Variants in NAV2 observed in about 807,000 individuals in gnomAD.
The protein encoded by NAV2 is helicase, APC down-regulated 1.
Under a neutral mutation model 223.2 loss-of-function variants are expected in NAV2, and 54 were observed. The ratio of observed to expected loss-of-function variants is 0.24; its 90% CI spans 0.19 to 0.30. NAV2 has a LOEUF of 0.30. NAV2 is among the 10% of genes least tolerant of loss of function. NAV2 has a pLI of 1.00. For synonymous variants in NAV2, 1,279 were observed against 1,239.3 expected, an observed-to-expected ratio of 1.03 and a Z score of -0.67; for missense variants, 2,806 against 3,147.5, an observed-to-expected ratio of 0.89 and a Z score of 2.60.
chr11:19,622,801 G>A (rs569733511), intron 1 of NAV2, among the ~76,000 whole-genome samples: 1 of 152,284 alleles, frequency 6.6e-6, no homozygotes, highest in East Asian at 1.9e-4. Context: ...ATTTGATCCT[G>A]TCATTATGAT....
intron 1 of NAV2, among the ~76,000 whole-genome samples, chr11:19,449,944 C>A (rs1413787561): frequency 6.6e-6 from 1 of 151,462 alleles, no homozygotes; most frequent in Non-Finnish European, 1.5e-5. Flanking sequence ...TAGCAAAGGG[C>A]AGCAAAGAGC....
chr11:19,886,301 T>A (rs1356072523), intron 5 of NAV2, among the ~76,000 whole-genome samples: 2 of 152,186 alleles, frequency 1.3e-5, no homozygotes, highest in African/African-American at 4.8e-5. Flanking sequence ...TTTTCTGAAG[T>A]GCTTACACTT....
intron 20 of NAV2, 136 bp downstream of exon 20, chr11:20,062,495 A>G (rs1376565142): frequency 1.5e-6 from 1 of 666,026 alleles, no homozygotes; most frequent in Non-Finnish European, 2.5e-6. Flanking sequence ...ATTAGGGAAC[A>G]AGATTTAAAA....
intron 11 of NAV2, chr11:20,022,541 TTC>T: frequency 1.0e-6 from 1 of 985,428 alleles, no homozygotes; most frequent in South Asian, 4.7e-5. Flanking sequence ...GGTTCAGAAA[TTC>T]TCTCTGTAGG....
At chr11:20,097,549 T>TG (rs2153693884) in intron 30 of NAV2, 28 bp from the exon 31 acceptor site, 1 of 1,540,852 alleles carries the variant, frequency 6.5e-7, no homozygotes, top group Non-Finnish European at 8.7e-7. Context: ...ACATCTTTGA[T>TG]GGGGTCTTTA....
chr11:19,352,178 G>C (rs1165964779), intron 1 of NAV2, among the ~76,000 whole-genome samples: 55 of 152,152 alleles, frequency 3.6e-4, no homozygotes, highest in Admixed American at 3.3e-3. Flanking sequence ...AGATAAGTGG[G>C]ATTTGTTTTG....
In NAV2 at chr11:19,948,786, G is replaced by A; in HGVS notation, c.2351G>A (p.Arg784Lys). 1 of 1,614,040 alleles carries A rather than the reference G, an allele frequency of 6.2e-7. No homozygotes were observed. The highest frequency in any genetic ancestry group is 1.1e-5 in the South Asian group (1 of 91,062). Reference protein sequence around the residue: ...LTGRPTPLSWRLGQSSPRLQA... With the variant: ...LTGRPTPLSWKLGQSSPRLQA... ...GGGAGGCCCACACCTCTGTCCTGGA[G>A]ACTGGGCCAGTCCAGCCCTCGGCTC... The change falls in exon 10 of 38, where the codon AGA becomes AAA. Residue 784 changes from arginine to lysine, a missense_variant. This residue lies in a region of NAV2 where 1,167 missense variants were observed against 1,180.5 expected (regional missense o/e 0.99). Transcript: ENST00000349880.
At chr11:19,893,987 A>G (rs910698327) in intron 6 of NAV2, among the ~76,000 whole-genome samples, 22 of 152,210 alleles carry the variant, frequency 1.4e-4, no homozygotes, top group Non-Finnish European at 2.9e-4. Context: ...ACCATTCTAT[A>G]TATATCCATC....
At chr11:19,718,467 T>C (rs2050486579) in intron 1 of NAV2, among the ~76,000 whole-genome samples, 1 of 152,016 alleles carries the variant, frequency 6.6e-6, no homozygotes, top group Non-Finnish European at 1.5e-5. Flanking sequence ...GTGTTTTAGA[T>C]GTTGAAAAAG....
intron 1 of NAV2, among the ~76,000 whole-genome samples, chr11:19,413,158 G>T (rs1474628930): frequency 6.6e-6 from 1 of 152,152 alleles, no homozygotes; most frequent in Non-Finnish European, 1.5e-5. Flanking sequence ...CTAACCCAAT[G>T]CAAGGAAGCT....
At chr11:19,836,372 A>G (rs908802995) in intron 2 of NAV2, among the ~76,000 whole-genome samples, 1 of 151,684 alleles carries the variant, frequency 6.6e-6, no homozygotes, top group African/African-American at 2.4e-5. Flanking sequence ...CCTGGCTAAC[A>G]AGGTGAAACC....
rs762941528 is a variant in NAV2, at chr11:20,049,910, A to G, written c.4436+9A>G. 4 of 1,613,932 alleles carry G rather than the reference A, an allele frequency of 2.5e-6. No individual in the cohort carries two copies. The highest frequency in any genetic ancestry group is 3.4e-6 in the Non-Finnish European group (4 of 1,179,868). ...CCCAGGAAACAGGACAGGTAATGAC[A>G]TTGCAGGCCGGGGACCAACCGAGCC... On this transcript the variant is annotated intron_variant, in intron 16 of 37. Transcript: ENST00000349880.
At chr11:19,354,218 CT>C (rs1853485654) in intron 1 of NAV2, among the ~76,000 whole-genome samples, 1 of 152,178 alleles carries the variant, frequency 6.6e-6, no homozygotes, top group Non-Finnish European at 1.5e-5. Context: ...TACAAAGCCA[CT>C]TTTTTCTTGA....
chr11:20,023,571 G>T lies in NAV2; in HGVS notation c.2769-12388G>T, dbSNP rs558530944. 2.0e-5 allele frequency among the ~76,000 whole-genome samples: 3 copies of T among 152,316 alleles called. No homozygotes were observed. In the East Asian group the frequency reaches 5.8e-4, roughly 29 times the overall value. ...CAGAGGGGTGAGCCGGAAAAAGGCAGTGTGGCCCCAGGCAAGGGCTGCTTG... is the reference window on the plus strand; with the variant it reads ...CAGAGGGGTGAGCCGGAAAAAGGCATTGTGGCCCCAGGCAAGGGCTGCTTG... On this transcript the variant is annotated intron_variant, in intron 11 of 37. Coordinates refer to ENST00000349880, the MANE Select transcript of NAV2 (RefSeq NM_145117.5).
At chr11:19,544,556 A>T (rs1237706703) in intron 1 of NAV2, among the ~76,000 whole-genome samples, 1 of 152,182 alleles carries the variant, frequency 6.6e-6, no homozygotes, top group Non-Finnish European at 1.5e-5. Flanking sequence ...GCTGGGCCAC[A>T]TTCCACCCTT....
chr11:19,805,744 G>A (rs935287466), intron 1 of NAV2, among the ~76,000 whole-genome samples: 1 of 152,172 alleles, frequency 6.6e-6, no homozygotes, highest in Non-Finnish European at 1.5e-5. Flanking sequence ...AGGAACGCTT[G>A]TGTTGTGGCT....
intron 1 of NAV2, among the ~76,000 whole-genome samples, chr11:19,817,354 G>A (rs1390339433): frequency 1.3e-5 from 2 of 152,094 alleles, no homozygotes; most frequent in Non-Finnish European, 2.9e-5. Context: ...ATGTTTTTTG[G>A]GAACTGTGAC....
At chr11:19,625,882 A>AT (rs955400958) in intron 1 of NAV2, among the ~76,000 whole-genome samples, 5 of 150,864 alleles carry the variant, frequency 3.3e-5, no homozygotes, top group East Asian at 1.9e-4. Flanking sequence ...TCATTTGCCT[A>AT]TTTTTTTTCC....
intron 6 of NAV2, among the ~76,000 whole-genome samples, chr11:19,921,974 T>C (rs1381635540): frequency 6.6e-6 from 1 of 152,134 alleles, no homozygotes; most frequent in African/African-American, 2.4e-5. Context: ...CCATGGAAAA[T>C]TTTTGTCCAA....
Sources: gnomAD v4.1 joint callset for allele counts (sites outside exome capture counted in the v4.1 genomes callset) on GRCh38, gnomAD v4.1.1 for gene constraint, gnomAD v4.1.1 regional missense constraint, MANE v1.5 for transcripts, NCBI Gene and HGNC (gene_info 2026-07-23, HGNC 2026-07-21) for gene names.